Variants in PAFAH1B1 observed in about 807,000 individuals in gnomAD.
PAFAH1B1 encodes the protein platelet activating factor acetylhydrolase 1b regulatory subunit 1.
A neutral mutation model predicts 57.5 loss-of-function variants in PAFAH1B1; 2 were observed. That is an observed-to-expected ratio of 0.03 (90% confidence interval 0.01 to 0.11). The LOEUF is 0.11. Ranked by LOEUF, PAFAH1B1 falls within the 10% of genes least tolerant of loss-of-function variation. The probability of loss-of-function intolerance (pLI) is 1.00; values close to 1 mark genes in which losing one functional copy is unlikely to be tolerated. For synonymous variants in PAFAH1B1, 152 were observed against 169.6 expected, an observed-to-expected ratio of 0.90 and a Z score of 0.81; for missense variants, 257 against 512.0, an observed-to-expected ratio of 0.50 and a Z score of 4.81.
chr17:2,594,857 A>G (rs902494790), intron 1 of PAFAH1B1, among the ~76,000 whole-genome samples: 4 of 152,146 alleles, frequency 2.6e-5, no homozygotes, highest in African/African-American at 9.7e-5. Context: ...TTAGCCTCCC[A>G]CATGAGAAAA....
chr17:2,622,677 C>A (rs893411071), intron 1 of PAFAH1B1, among the ~76,000 whole-genome samples: 14 of 152,282 alleles, frequency 9.2e-5, no homozygotes, highest in Middle Eastern at 3.4e-3. Flanking sequence ...GTCGGTGGAT[C>A]TACCATTCTG....
intron 2 of PAFAH1B1, among the ~76,000 whole-genome samples, chr17:2,654,960 T>C (rs1439570780): frequency 2.0e-5 from 3 of 151,394 alleles, no homozygotes; most frequent in Admixed American, 6.6e-5. Context: ...TCTTCTTTTT[T>C]TTTTTTTTAA....
chr17:2,630,961 G>C (rs2068548235), intron 1 of PAFAH1B1, among the ~76,000 whole-genome samples: 1 of 152,178 alleles, frequency 6.6e-6, no homozygotes, highest in East Asian at 1.9e-4. Context: ...TTATGACAAG[G>C]CTGGGCGCGG....
intron 2 of PAFAH1B1, among the ~76,000 whole-genome samples, chr17:2,660,828 CT>C (rs1444633159): frequency 6.6e-6 from 1 of 152,210 alleles, no homozygotes; most frequent in South Asian, 2.1e-4. Context: ...AATCACCACA[CT>C]ATCTTCCATG....
chr17:2,641,117 T>C (rs1306975744), intron 2 of PAFAH1B1: 1 of 152,356 alleles, frequency 6.6e-6, no homozygotes, highest in Non-Finnish European at 1.5e-5. Context: ...TTCTTTTTCT[T>C]CTTTTTATTT....
At chr17:2,607,071 G>T (rs1417342050) in intron 1 of PAFAH1B1, among the ~76,000 whole-genome samples, 4 of 152,066 alleles carry the variant, frequency 2.6e-5, no homozygotes, top group Non-Finnish European at 2.9e-5. Flanking sequence ...TGATCCACCC[G>T]CCTCGGCCTC....
chr17:2,612,714 A>G (rs577734872), intron 1 of PAFAH1B1, among the ~76,000 whole-genome samples: 3 of 151,818 alleles, frequency 2.0e-5, no homozygotes, highest in East Asian at 2.0e-4. Context: ...GGCTCAAGCA[A>G]TCCTCCTGCC....
Position 2,638,202 on chromosome 17 carries a change from A to G in PAFAH1B1, c.-87A>G. On this transcript the variant is annotated 5_prime_UTR_variant, in exon 2 of 11. Transcript: ENST00000397195. ...GGAAGACACTTAGTGGCATATTTAA[A>G]TTATAAGTCCACGGATCAAAAAGCT... 9.4e-7 allele frequency: 1 copy of G among 1,063,732 alleles called. No individual in the cohort carries two copies. Among genetic ancestry groups the G allele is most frequent in the Admixed American group, 1.9e-5 (1 of 51,678 alleles). 65.9% of individuals were successfully genotyped at this position (1,063,732 alleles called of 1,614,324 possible).
intron 2 of PAFAH1B1, among the ~76,000 whole-genome samples, chr17:2,650,112 C>T (rs1044724342): frequency 2.0e-5 from 3 of 152,208 alleles, no homozygotes; most frequent in African/African-American, 4.8e-5. Flanking sequence ...AGGCCAGGCA[C>T]TGTGGCTTAG....
intron 2 of PAFAH1B1, among the ~76,000 whole-genome samples, chr17:2,652,076 G>T (rs920913124): frequency 6.6e-6 from 1 of 152,126 alleles, no homozygotes; most frequent in Middle Eastern, 3.2e-3. Flanking sequence ...TATATAGCTT[G>T]TATCCTTTTC....
intron 1 of PAFAH1B1, among the ~76,000 whole-genome samples, chr17:2,607,018 G>C (rs12947002): frequency 2.6e-5 from 4 of 151,160 alleles, no homozygotes. Context: ...TAGAGATGGG[G>C]TTTCACCATG....
intron 3 of PAFAH1B1, among the ~76,000 whole-genome samples, chr17:2,665,778 T>C (rs1183249706): frequency 3.9e-5 from 6 of 152,040 alleles, no homozygotes; most frequent in Admixed American, 1.3e-4. Flanking sequence ...ATTTTTGTAT[T>C]TTTAGTAGAG....
chr17:2,640,254 C>T (rs934997085), intron 2 of PAFAH1B1: 3 of 152,026 alleles, frequency 2.0e-5, no homozygotes, highest in Non-Finnish European at 2.9e-5. Flanking sequence ...CAGTTGATTC[C>T]ATAATGTCCT....
intron 2 of PAFAH1B1, among the ~76,000 whole-genome samples, chr17:2,644,746 G>A (rs1405449657): frequency 6.6e-6 from 1 of 151,978 alleles, no homozygotes; most frequent in Non-Finnish European, 1.5e-5. Context: ...TTTAGTCATT[G>A]TTATTTCTGA....
At chr17:2,658,671 G>T (rs2068972092) in intron 2 of PAFAH1B1, among the ~76,000 whole-genome samples, 1 of 152,120 alleles carries the variant, frequency 6.6e-6, no homozygotes, top group Non-Finnish European at 1.5e-5. Context: ...ACCCTGCATT[G>T]CCTGAATTAC....
At position 2,673,106 on chromosome 17, in the gene PAFAH1B1, A is replaced by G. The variant is rs570693092; in HGVS notation, c.671+349A>G. 2.6e-5 allele frequency among the ~76,000 whole-genome samples: 4 copies of G among 152,306 alleles called. No homozygotes were observed. In the South Asian group the frequency reaches 8.3e-4, roughly 32 times the overall value. On this transcript the variant is annotated intron_variant, in intron 7 of 10. Transcript: ENST00000397195. ...AAGGCATCAGCTTAAAGACATATTT[A>G]TAAAAAACAAAATTGTGTTCTGGTG...
chr17:2,622,549 G>A (rs981714424), intron 1 of PAFAH1B1, among the ~76,000 whole-genome samples: 1 of 152,192 alleles, frequency 6.6e-6, no homozygotes, highest in African/African-American at 2.4e-5. Context: ...CAAGAGGTGG[G>A]TTCCCATGGT....
chr17:2,657,935 T>C (rs187068890), intron 2 of PAFAH1B1, among the ~76,000 whole-genome samples: 3 of 152,354 alleles, frequency 2.0e-5, no homozygotes, highest in Non-Finnish European at 4.4e-5. Flanking sequence ...AAAATATAAA[T>C]GTTTCAAACT....
chr17:2,673,498 G>A (rs915602948), intron 7 of PAFAH1B1, among the ~76,000 whole-genome samples: 3 of 152,052 alleles, frequency 2.0e-5, no homozygotes, highest in African/African-American at 7.2e-5. Context: ...AATTAGCCGG[G>A]CGTGGTGGCG....
Sources: gnomAD v4.1 joint callset for allele counts (sites outside exome capture counted in the v4.1 genomes callset) on GRCh38, gnomAD v4.1.1 for gene constraint, MANE v1.5 for transcripts, NCBI Gene and HGNC (gene_info 2026-07-23, HGNC 2026-07-21) for gene names.